The following ME3 variants were observed in gnomAD, a reference collection of about 807,000 sequenced individuals.
ME3 encodes malic enzyme 3.
ME3 carries 48 observed loss-of-function variants against 68.9 expected under a neutral mutation model. The ratio of observed to expected loss-of-function variants is 0.70; its 90% confidence interval spans 0.55 to 0.89. ME3 has a LOEUF of 0.89. Ranked by LOEUF, ME3 falls within the 40% of genes least tolerant of loss-of-function variation. The pLI, the probability that ME3 is intolerant of heterozygous loss-of-function variation, is 0.00. For missense variants in ME3, 675 were observed against 797.4 expected (o/e 0.85, Z 1.85); for synonymous variants, 320 against 318.8 (o/e 1.00, Z -0.04).
intron 2 of ME3, among the ~76,000 whole-genome samples, chr11:86,569,397 T>A (rs537270274): frequency 6.6e-6 from 1 of 152,250 alleles, no homozygotes; most frequent in East Asian, 1.9e-4. Context: ...CCTCCTCCCC[T>A]GCTTCCAATC....
At chr11:86,489,679 A>T (rs1160162283) in intron 6 of ME3, among the ~76,000 whole-genome samples, 1 of 151,876 alleles carries the variant, frequency 6.6e-6, no homozygotes, top group Admixed American at 6.6e-5. Flanking sequence ...GGAACTTCTC[A>T]CTGGCCTGAC....
chr11:86,632,873 T>C (rs926780942), intron 2 of ME3, among the ~76,000 whole-genome samples: 1 of 152,172 alleles, frequency 6.6e-6, no homozygotes, highest in Non-Finnish European at 1.5e-5. Context: ...CAGGGCTATA[T>C]GGACAGGAAA....
At chr11:86,663,467 A>G (rs893411226) in intron 2 of ME3, among the ~76,000 whole-genome samples, 1 of 152,200 alleles carries the variant, frequency 6.6e-6, no homozygotes, top group Non-Finnish European at 1.5e-5. Flanking sequence ...TTTTCCTCAC[A>G]ATCATAGAGC....
intron 5 of ME3, among the ~76,000 whole-genome samples, chr11:86,503,258 G>T (rs1051395443): frequency 6.6e-6 from 1 of 152,196 alleles, no homozygotes; most frequent in Non-Finnish European, 1.5e-5. Flanking sequence ...GCATCATACC[G>T]CATGAGGTGG....
At chr11:86,440,881 C>T (rs1394506461), downstream of ME3, among the ~76,000 whole-genome samples, 2 of 152,186 alleles carry the variant, frequency 1.3e-5, no homozygotes, top group Non-Finnish European at 2.9e-5. Context: ...CCTTTTCTGA[C>T]TGCCCTCAGT....
At chr11:86,655,837 G>T (rs368791038) in intron 2 of ME3, among the ~76,000 whole-genome samples, 2 of 151,784 alleles carry the variant, frequency 1.3e-5, no homozygotes, top group Non-Finnish European at 1.5e-5. Flanking sequence ...GAAAATTTTC[G>T]CAACCTACTC....
rs549799603 is a variant in ME3, at chr11:86,541,865, C to A, written c.467+14688G>T. ...GCCTCCTGACTAGGGTGGGGGACAC[C>A]TCCCAGCAGGGGTCAACAGATACCT... On this transcript the variant is annotated intron_variant, in intron 4 of 14. Coordinates refer to ENST00000543262, the Ensembl canonical transcript of ME3. Among the ~76,000 whole-genome samples the A allele has an allele frequency of 4.6e-5, 7 of 152,324 alleles. No individual in the cohort carries two copies. In the East Asian group the frequency reaches 1.4e-3, roughly 29 times the overall value.
At chr11:86,525,223 AGAGC>A (rs1954643722) in intron 4 of ME3, among the ~76,000 whole-genome samples, 2 of 152,238 alleles carry the variant, frequency 1.3e-5, no homozygotes, top group Admixed American at 6.5e-5. Flanking sequence ...TGTTTCCAAT[AGAGC>A]AGTGACAATT....
At chr11:86,588,044 T>A (rs1211673919) in intron 2 of ME3, among the ~76,000 whole-genome samples, 1 of 152,226 alleles carries the variant, frequency 6.6e-6, no homozygotes, top group Non-Finnish European at 1.5e-5. Context: ...CAGAAGATCA[T>A]ACAAAGTCCT....
chr11:86,487,987 A>G (rs996586496), intron 6 of ME3, among the ~76,000 whole-genome samples: 3 of 152,130 alleles, frequency 2.0e-5, no homozygotes, highest in Non-Finnish European at 4.4e-5. Context: ...AGGCTGTCCT[A>G]GCCAACCCAG....
chr11:86,650,779 G>A (rs1188197265), intron 2 of ME3, among the ~76,000 whole-genome samples: 1 of 152,224 alleles, frequency 6.6e-6, no homozygotes, highest in Non-Finnish European at 1.5e-5. Flanking sequence ...CCGAGCGTGA[G>A]CTGCAGCAGG....
chr11:86,653,861 A>G (rs563977098), intron 2 of ME3, among the ~76,000 whole-genome samples: 119 of 152,312 alleles, frequency 7.8e-4, no homozygotes, highest in African/African-American at 2.7e-3. Context: ...AGACTAATAA[A>G]GAAGAAAAGA....
Position 86,557,876 on chromosome 11 carries a change from A to G in ME3, c.318-1174T>C, listed in dbSNP as rs147844575. Reference sequence around the variant, plus strand: ...TACACTATGGAATCCGGCAGATTCCATAATTTCCTATCCCGCCCCTCACCC... The same window carrying G: ...TACACTATGGAATCCGGCAGATTCCGTAATTTCCTATCCCGCCCCTCACCC... On this transcript the variant is annotated intron_variant, in intron 3 of 14. Transcript: ENST00000543262. Among the ~76,000 whole-genome samples the G allele has an allele frequency of 3.9e-3, 598 of 152,316 alleles. 5 individuals carry two copies. The highest frequency in any genetic ancestry group is 0.014 in the Middle Eastern group (4 of 294).
At chr11:86,563,075 G>T (rs1957316033) in intron 2 of ME3, among the ~76,000 whole-genome samples, 2 of 152,098 alleles carry the variant, frequency 1.3e-5, no homozygotes, top group South Asian at 4.2e-4. Context: ...TATCATTGAT[G>T]GGCACCTGAG....
At chr11:86,635,084 CG>C (rs754388526) in intron 2 of ME3, among the ~76,000 whole-genome samples, 7 of 152,152 alleles carry the variant, frequency 4.6e-5, no homozygotes, top group Non-Finnish European at 8.8e-5. Flanking sequence ...GCAGATGGAC[CG>C]TTTGAGCCCA....
At chr11:86,533,612 G>C (rs1259045399) in intron 4 of ME3, among the ~76,000 whole-genome samples, 3 of 152,132 alleles carry the variant, frequency 2.0e-5, no homozygotes, top group Non-Finnish European at 4.4e-5. Context: ...TCCAAAAAGA[G>C]GAGGAAATAC....
At chr11:86,642,661 C>A (rs1944743434) in intron 2 of ME3, among the ~76,000 whole-genome samples, 1 of 152,152 alleles carries the variant, frequency 6.6e-6, no homozygotes, top group East Asian at 1.9e-4. Context: ...CACGATCATG[C>A]CACTTGCACT....
At chr11:86,539,784 A>G (rs1265571766) in intron 4 of ME3, among the ~76,000 whole-genome samples, 1 of 152,180 alleles carries the variant, frequency 6.6e-6, no homozygotes, top group Admixed American at 6.5e-5. Context: ...ATATGTCCCC[A>G]TCAGTAACCT....
chr11:86,487,330 CACTT>C lies in ME3; in HGVS notation c.809+3_809+6del. The C allele has an allele frequency of 6.2e-7, 1 of 1,608,956 alleles. No individual in the cohort carries two copies. The highest frequency in any genetic ancestry group is 8.5e-7 in the Non-Finnish European group (1 of 1,175,276). On this transcript the variant is annotated splice_donor_5th_base_variant and intron_variant, in intron 7 of 14. Transcript: ENST00000543262. ...CTCTTTCAAAAGGGACAGACTGGTC[CACTT>C]ACTTGTCTGTCACAGCCTGCATGAA... is the stretch of plus-strand genomic sequence containing the variant.
Sources: allele counts gnomAD v4.1 joint callset (sites outside exome capture counted in the v4.1 genomes callset), GRCh38; gene constraint gnomAD v4.1.1; transcripts MANE v1.5; gene names NCBI Gene and HGNC (gene_info 2026-07-23, HGNC 2026-07-21).